The following ITSN1 variants were observed in gnomAD, a reference collection of about 807,000 sequenced individuals.
The protein encoded by ITSN1 is intersectin-1.
Under a neutral mutation model 239.8 loss-of-function variants are expected in ITSN1, and 58 were observed. That is an observed-to-expected ratio of 0.24 (90% CI 0.20 to 0.30). The LOEUF is 0.30. Among genes scored for constraint, ITSN1 ranks in the 10% least tolerant of loss-of-function variants. The pLI is 1.00. For missense variants in ITSN1, 1,558 were observed against 2,103.3 expected, an observed-to-expected ratio of 0.74 and a Z score of 5.07; for synonymous variants, 780 against 770.8, an observed-to-expected ratio of 1.01 and a Z score of -0.20.
chr21:33,700,039 G>A (rs904149640), intron 1 of ITSN1, among the ~76,000 whole-genome samples: 2 of 151,780 alleles, frequency 1.3e-5, no homozygotes, highest in African/African-American at 2.4e-5. Context: ...TAGGAGTATC[G>A]GTGTGAGCCA....
At chr21:33,723,458 C>T (rs2065623346) in intron 4 of ITSN1, among the ~76,000 whole-genome samples, 1 of 152,058 alleles carries the variant, frequency 6.6e-6, no homozygotes. Context: ...CCTAAAAATA[C>T]AAAAAATTAG....
At chr21:33,750,786 G>A (rs976971000) in intron 6 of ITSN1, among the ~76,000 whole-genome samples, 2 of 152,170 alleles carry the variant, frequency 1.3e-5, no homozygotes, top group African/African-American at 4.8e-5. Flanking sequence ...GGTATTACAT[G>A]CCTGCTTAAT....
chr21:33,704,923 TA>T (rs55966725), intron 1 of ITSN1, among the ~76,000 whole-genome samples: 34,849 of 93,638 alleles, frequency 0.37, 5,784 homozygotes, highest in Middle Eastern at 0.48. Flanking sequence ...CCATCTCTAC[TA>T]AAAAAAAAAA....
At chr21:33,835,942 TAATA>T (rs1187972113) in intron 28 of ITSN1, among the ~76,000 whole-genome samples, 1 of 152,058 alleles carries the variant, frequency 6.6e-6, no homozygotes, top group African/African-American at 2.4e-5. Flanking sequence ...AATAAATAAA[TAATA>T]AATAAATAAA....
At chr21:33,820,945 A>G (rs1258379875) in intron 24 of ITSN1, among the ~76,000 whole-genome samples, 3 of 152,214 alleles carry the variant, frequency 2.0e-5, no homozygotes, top group African/African-American at 7.2e-5. Flanking sequence ...TAGTAACAGT[A>G]TTATTTTGTT....
chr21:33,878,214 G>C (rs550637174), intron 34 of ITSN1, among the ~76,000 whole-genome samples: 1 of 151,586 alleles, frequency 6.6e-6, no homozygotes, highest in Non-Finnish European at 1.5e-5. Context: ...TATTTTTTTT[G>C]TAGAGACAAG....
At chr21:33,819,470 G>A (rs1479504794) in intron 24 of ITSN1, 147 bp downstream of exon 24, 4 of 519,500 alleles carry the variant, frequency 7.7e-6, no homozygotes, top group Middle Eastern at 6.1e-4. Context: ...GCTCTTTACA[G>A]AATCGGAGTA....
At chr21:33,820,111 ACAAT>A (rs1481459924) in intron 24 of ITSN1, among the ~76,000 whole-genome samples, 1 of 152,226 alleles carries the variant, frequency 6.6e-6, no homozygotes, top group Non-Finnish European at 1.5e-5. Context: ...CTCCATGAAA[ACAAT>A]CAAACCAGAC....
chr21:33,874,581 C>A (rs1052875392), intron 33 of ITSN1, among the ~76,000 whole-genome samples: 1 of 151,988 alleles, frequency 6.6e-6, no homozygotes. Flanking sequence ...GCCTGGGATG[C>A]CTGGGCTCTG....
chr21:33,681,829 C>G (rs1370363136), intron 1 of ITSN1, among the ~76,000 whole-genome samples: 1 of 151,532 alleles, frequency 6.6e-6, no homozygotes, highest in African/African-American at 2.4e-5. Context: ...CACCACTATG[C>G]CCGGCTAATT....
intron 1 of ITSN1, among the ~76,000 whole-genome samples, chr21:33,708,341 G>GT (rs1000174192): frequency 5.3e-5 from 8 of 151,596 alleles, no homozygotes; most frequent in East Asian, 1.9e-4. Flanking sequence ...TTGAAGAACT[G>GT]TTTTTTTGTT....
intron 1 of ITSN1, among the ~76,000 whole-genome samples, chr21:33,700,916 ATGTATT>A (rs972456434): frequency 1.5e-4 from 23 of 151,372 alleles, no homozygotes; most frequent in Non-Finnish European, 3.4e-4. Context: ...TATCTGGACT[ATGTATT>A]AGTAGTACAT....
intron 29 of ITSN1, among the ~76,000 whole-genome samples, chr21:33,851,843 G>A (rs1444321385): frequency 7.5e-6 from 1 of 134,118 alleles, no homozygotes; most frequent in Non-Finnish European, 1.5e-5. Flanking sequence ...GAGTGCAGTG[G>A]TGCGATCATA....
At chr21:33,767,903 A>G (rs900804070) in intron 11 of ITSN1, 75 bp downstream of exon 11, 16 of 783,988 alleles carry the variant, frequency 2.0e-5, no homozygotes, top group African/African-American at 1.9e-4. Context: ...TAAGACAAAG[A>G]TAGAGGTAAA....
intron 26 of ITSN1, among the ~76,000 whole-genome samples, chr21:33,827,612 A>G (rs1256698999): frequency 2.0e-5 from 3 of 152,064 alleles, no homozygotes; most frequent in African/African-American, 7.2e-5. Context: ...ATTAATGTAG[A>G]AGCCATAGGA....
intron 34 of ITSN1, among the ~76,000 whole-genome samples, chr21:33,878,323 A>C (rs978279011): frequency 6.6e-6 from 1 of 152,026 alleles, no homozygotes; most frequent in Non-Finnish European, 1.5e-5. Context: ...GTGAGCCACC[A>C]CGCCTGGCCA....
At position 33,868,449 on chromosome 21, in the gene ITSN1, C is replaced by T. The variant is rs866231174; in HGVS notation, c.4173+1118C>T. Among the ~76,000 whole-genome samples, 33 of 152,342 alleles carry T rather than the reference C, an allele frequency of 2.2e-4. 1 individual carries two copies. Among genetic ancestry groups the T allele is most frequent in the Admixed American group, 1.8e-3 (28 of 15,308 alleles). On this transcript the variant is annotated intron_variant, in intron 33 of 39. Coordinates refer to ENST00000381318, the MANE Select transcript of ITSN1 (RefSeq NM_003024.3). Reference sequence around the variant, plus strand: ...GCTCAGGCATGGCGGGCTGCAGTCCCGAGCCCTGCCCCGCGGGAAGGCAGC... The same window carrying T: ...GCTCAGGCATGGCGGGCTGCAGTCCTGAGCCCTGCCCCGCGGGAAGGCAGC...
intron 17 of ITSN1, among the ~76,000 whole-genome samples, chr21:33,796,524 A>C (rs1357512694): frequency 6.6e-6 from 1 of 152,170 alleles, no homozygotes; most frequent in Non-Finnish European, 1.5e-5. Context: ...CTAGCCGATG[A>C]CCTGTGTGCG....
In ITSN1 at chr21:33,774,935, G is replaced by A. The variant is rs576839536; in HGVS notation, c.1456-33G>A. ...TACTAAGATGGAACCATTAAAAACAGTAATAATTTTTATTATCTTTCATTT... is the reference window on the plus strand; with the variant it reads ...TACTAAGATGGAACCATTAAAAACAATAATAATTTTTATTATCTTTCATTT... On this transcript the variant is annotated intron_variant, in intron 13 of 39. Transcript: ENST00000381318. 2.6e-5 allele frequency: 41 copies of A among 1,602,898 alleles called. No individual in the cohort carries two copies. The East Asian group carries it at 8.9e-4, about 35-fold the overall frequency.
Sources: allele counts gnomAD v4.1 joint callset (sites outside exome capture counted in the v4.1 genomes callset), GRCh38; gene constraint gnomAD v4.1.1; transcripts MANE v1.5; gene names NCBI Gene and HGNC (gene_info 2026-07-23, HGNC 2026-07-21).